MAGI1: variants seen among roughly 807,000 people sequenced by gnomAD.
MAGI1 encodes the protein membrane associated guanylate kinase, WW and PDZ domain containing 1.
Under a neutral mutation model 139.9 loss-of-function variants are expected in MAGI1, and 58 were observed. The observed-to-expected ratio is 0.41, with a 90% CI of 0.34 to 0.52. The LOEUF (loss-of-function observed/expected upper bound fraction) is 0.52. Among genes scored for constraint, MAGI1 ranks in the 20% least tolerant of loss-of-function variants. MAGI1 has a pLI of 0.12. For missense variants in MAGI1, 1,874 were observed against 1,901.6 expected, an observed-to-expected ratio of 0.99 and a Z score of 0.27; for synonymous variants, 812 against 737.9, an observed-to-expected ratio of 1.10 and a Z score of -1.63.
chr3:65,519,861 G>A (rs1380855537), intron 2 of MAGI1, among the ~76,000 whole-genome samples: 3 of 152,214 alleles, frequency 2.0e-5, no homozygotes, highest in African/African-American at 7.2e-5. Flanking sequence ...CTGTGTATTT[G>A]TGTTGGCCTT....
intron 2 of MAGI1, among the ~76,000 whole-genome samples, chr3:65,532,154 A>C (rs1437340900): frequency 6.6e-6 from 1 of 152,172 alleles, no homozygotes; most frequent in African/African-American, 2.4e-5. Flanking sequence ...AAATCATCTT[A>C]TCTTTTACTC....
At chr3:65,577,689 G>A (rs1382793932) in intron 2 of MAGI1, among the ~76,000 whole-genome samples, 5 of 152,174 alleles carry the variant, frequency 3.3e-5, no homozygotes, top group Non-Finnish European at 5.9e-5. Flanking sequence ...TTCTCCAGGT[G>A]AGCCCTGGAT....
At chr3:65,990,690 A>G (rs2066125138) in intron 1 of MAGI1, among the ~76,000 whole-genome samples, 1 of 152,196 alleles carries the variant, frequency 6.6e-6, no homozygotes, top group East Asian at 1.9e-4. Flanking sequence ...ATAAAAACTT[A>G]GTCATCTTCA....
chr3:65,726,743 G>C (rs2033652034), intron 1 of MAGI1, among the ~76,000 whole-genome samples: 1 of 152,032 alleles, frequency 6.6e-6, no homozygotes, highest in South Asian at 2.1e-4. Context: ...TTGGGGGCCT[G>C]GGTAGGGTTT....
chr3:65,838,278 G>C (rs2108325480), intron 1 of MAGI1, among the ~76,000 whole-genome samples: 1 of 152,144 alleles, frequency 6.6e-6, no homozygotes, highest in Middle Eastern at 3.4e-3. Flanking sequence ...CGCCACTGCA[G>C]TCCAGCCTGG....
At chr3:65,758,282 G>A (rs1353170935) in intron 1 of MAGI1, among the ~76,000 whole-genome samples, 2 of 152,086 alleles carry the variant, frequency 1.3e-5, no homozygotes, top group African/African-American at 4.8e-5. Context: ...AACAAAACTC[G>A]GGGAAAGGAG....
intron 2 of MAGI1, among the ~76,000 whole-genome samples, chr3:65,618,196 G>A (rs2083472607): frequency 6.6e-6 from 1 of 152,194 alleles, no homozygotes; most frequent in South Asian, 2.1e-4. Context: ...TTGTAGGGTT[G>A]AAGCGCAGAG....
intron 1 of MAGI1, among the ~76,000 whole-genome samples, chr3:65,994,374 C>T (rs560262107): frequency 6.6e-6 from 1 of 152,034 alleles, no homozygotes; most frequent in South Asian, 2.1e-4. Context: ...AGACTCAGTG[C>T]CCTTTTCAAA....
chr3:65,653,701 T>G (rs2085711660), intron 1 of MAGI1, among the ~76,000 whole-genome samples: 1 of 152,176 alleles, frequency 6.6e-6, no homozygotes, highest in Non-Finnish European at 1.5e-5. Flanking sequence ...ATTGTACCCT[T>G]CCTAAGGCAG....
intron 4 of MAGI1, among the ~76,000 whole-genome samples, chr3:65,472,944 C>A (rs564313356): frequency 1.3e-5 from 2 of 152,322 alleles, no homozygotes; most frequent in Admixed American, 6.5e-5. Flanking sequence ...GACCCTGGAG[C>A]CACACTATCC....
At chr3:65,757,599 T>C (rs980801751) in intron 1 of MAGI1, among the ~76,000 whole-genome samples, 1 of 152,084 alleles carries the variant, frequency 6.6e-6, no homozygotes, top group African/African-American at 2.4e-5. Context: ...GATCACACCA[T>C]TGCACTCCAG....
At chr3:65,695,692 G>A (rs1325839022) in intron 1 of MAGI1, among the ~76,000 whole-genome samples, 1 of 152,150 alleles carries the variant, frequency 6.6e-6, no homozygotes, top group African/African-American at 2.4e-5. Context: ...TAAGGCACTG[G>A]AAAGCCATTT....
At chr3:65,899,331 A>T (rs1376392370) in intron 1 of MAGI1, among the ~76,000 whole-genome samples, 1 of 152,218 alleles carries the variant, frequency 6.6e-6, no homozygotes, top group Non-Finnish European at 1.5e-5. Flanking sequence ...TCATCAGAGG[A>T]AGGAAGTTCA....
At chr3:65,840,168 A>C (rs1307886649) in intron 1 of MAGI1, among the ~76,000 whole-genome samples, 2 of 145,006 alleles carry the variant, frequency 1.4e-5, no homozygotes, top group Non-Finnish European at 3.0e-5. Flanking sequence ...TTTTTGGTAG[A>C]TTTCTTAGGC....
intron 1 of MAGI1, among the ~76,000 whole-genome samples, chr3:65,997,441 G>C (rs1423951807): frequency 1.3e-5 from 2 of 152,138 alleles, no homozygotes; most frequent in Non-Finnish European, 2.9e-5. Context: ...TGGATCACGA[G>C]GTCAAGAGAT....
intron 1 of MAGI1, among the ~76,000 whole-genome samples, chr3:65,635,913 A>G (rs2084589604): frequency 6.6e-6 from 1 of 152,260 alleles, no homozygotes. Context: ...ATTACAGTAT[A>G]GCATGCCACT....
chr3:65,782,577 TA>T (rs1175023155), intron 1 of MAGI1, among the ~76,000 whole-genome samples: 24 of 37,912 alleles, frequency 6.3e-4, no homozygotes, highest in African/African-American at 2.4e-3. Flanking sequence ...CAAAGGAGAA[TA>T]AAAACTATTT....
chr3:65,701,019 C>T (rs897062666), intron 1 of MAGI1, among the ~76,000 whole-genome samples: 1 of 152,238 alleles, frequency 6.6e-6, no homozygotes, highest in South Asian at 2.1e-4. Flanking sequence ...TCAGGGGGCT[C>T]ATTACCAACT....
At chr3:65,994,596 T>C (rs2066344768) in intron 1 of MAGI1, among the ~76,000 whole-genome samples, 1 of 152,240 alleles carries the variant, frequency 6.6e-6, no homozygotes, top group African/African-American at 2.4e-5. Flanking sequence ...CTTACAACTC[T>C]GTGCATTTAG....
Sources: allele counts gnomAD v4.1 joint callset (sites outside exome capture counted in the v4.1 genomes callset), GRCh38; gene constraint gnomAD v4.1.1; transcripts MANE v1.5; gene names NCBI Gene and HGNC (gene_info 2026-07-23, HGNC 2026-07-21).